MTHFD1L: variants seen among roughly 807,000 people sequenced by gnomAD.
The protein encoded by MTHFD1L is methylenetetrahydrofolate dehydrogenase (NADP+ dependent) 1 like, also known as monofunctional C1-tetrahydrofolate synthase, mitochondrial.
Under a neutral mutation model 119.5 loss-of-function variants are expected in MTHFD1L, and 81 were observed. The observed-to-expected ratio is 0.68, with a 90% CI of 0.57 to 0.82. The LOEUF is 0.82. Among genes scored for constraint, MTHFD1L ranks in the 40% least tolerant of loss-of-function variants. The pLI is 0.00. For missense variants in MTHFD1L, 1,125 were observed against 1,253.4 expected, an observed-to-expected ratio of 0.90 and a Z score of 1.55; for synonymous variants, 430 against 475.2, an observed-to-expected ratio of 0.90 and a Z score of 1.24.
chr6:151,051,185 A>G (rs1333259592), intron 26 of MTHFD1L, among the ~76,000 whole-genome samples: 1 of 152,214 alleles, frequency 6.6e-6, no homozygotes, highest in Non-Finnish European at 1.5e-5. Flanking sequence ...CACCCCTATC[A>G]GAAATTTCAA....
At chr6:150,931,503 G>A (rs188068046) in intron 11 of MTHFD1L, among the ~76,000 whole-genome samples, 16 of 152,126 alleles carry the variant, frequency 1.1e-4, no homozygotes, top group South Asian at 4.2e-4. Context: ...CCTTTGAACC[G>A]TTTACCTAAG....
Position 151,101,583 on chromosome 6 carries a change from T to C in MTHFD1L, c.*89T>C, listed in dbSNP as rs371697769. On this transcript the variant is annotated 3_prime_UTR_variant, in exon 28 of 28. Coordinates refer to ENST00000367321, the MANE Select transcript of MTHFD1L (RefSeq NM_015440.5). ...CTGCAGTTGGAGAAGAAACTGAATT[T>C]GAAAAATGTCTGTTATGCAATGCTG... 2.6e-5 allele frequency: 4 copies of C among 152,640 alleles called. No homozygotes were observed. The highest frequency in any genetic ancestry group is 1.9e-4 in the East Asian group (1 of 5,198). 9.5% of individuals were successfully genotyped at this position (152,640 alleles called of 1,614,324 possible).
intron 20 of MTHFD1L, among the ~76,000 whole-genome samples, chr6:150,998,663 A>G (rs370817863): frequency 3.4e-4 from 51 of 150,024 alleles, no homozygotes; most frequent in African/African-American, 1.2e-3. Context: ...AATCTTTCAT[A>G]TATGCACAAA....
At chr6:150,919,156 G>GAA (rs111966934) in intron 9 of MTHFD1L, among the ~76,000 whole-genome samples, 2 of 119,910 alleles carry the variant, frequency 1.7e-5, no homozygotes, top group African/African-American at 3.1e-5. Flanking sequence ...GAGGGAGACT[G>GAA]AAAAAAAAAA....
At chr6:151,079,962 G>T (rs1792974513) in intron 26 of MTHFD1L, among the ~76,000 whole-genome samples, 1 of 151,820 alleles carries the variant, frequency 6.6e-6, no homozygotes, top group South Asian at 2.1e-4. Flanking sequence ...TTCACCTAAG[G>T]TCAGGAGTTC....
intron 26 of MTHFD1L, among the ~76,000 whole-genome samples, chr6:151,066,782 T>C (rs1379892353): frequency 2.0e-5 from 3 of 148,238 alleles, no homozygotes; most frequent in African/African-American, 7.4e-5. Context: ...AAAAAAAAAG[T>C]GTCCTTTAGT....
chr6:150,875,567 C>T (rs1329333961), intron 1 of MTHFD1L, among the ~76,000 whole-genome samples: 2 of 152,078 alleles, frequency 1.3e-5, no homozygotes, highest in African/African-American at 4.8e-5. Context: ...CCCCTTCCTT[C>T]CTTACCTAAT....
intron 7 of MTHFD1L, among the ~76,000 whole-genome samples, chr6:150,905,161 G>C (rs1785694739): frequency 6.7e-6 from 1 of 150,186 alleles, no homozygotes; most frequent in South Asian, 2.1e-4. Flanking sequence ...AGCCTCCTGA[G>C]TAGCTGAGAT....
chr6:150,982,655 T>A (rs1441051151), intron 20 of MTHFD1L, among the ~76,000 whole-genome samples: 1 of 152,048 alleles, frequency 6.6e-6, no homozygotes, highest in Non-Finnish European at 1.5e-5. Flanking sequence ...CACTACCAAT[T>A]GTGTGTGTGA....
chr6:150,905,295 G>A (rs1478661839), intron 7 of MTHFD1L, among the ~76,000 whole-genome samples: 1 of 152,044 alleles, frequency 6.6e-6, no homozygotes, highest in Non-Finnish European at 1.5e-5. Flanking sequence ...GCCTCCCTAA[G>A]TGCTGGGATT....
At chr6:151,088,709 G>A (rs1040203135) in intron 26 of MTHFD1L, among the ~76,000 whole-genome samples, 1 of 147,514 alleles carries the variant, frequency 6.8e-6, no homozygotes, top group Admixed American at 7.1e-5. Flanking sequence ...CGCCCGCCTC[G>A]GCCTCCCAAA....
intron 20 of MTHFD1L, among the ~76,000 whole-genome samples, chr6:151,000,273 G>A (rs958858201): frequency 6.6e-6 from 1 of 151,208 alleles, no homozygotes; most frequent in Non-Finnish European, 1.5e-5. Context: ...GGAGGTGGAG[G>A]TTGCAGTGAG....
chr6:151,009,407 G>T (rs1473612065), intron 20 of MTHFD1L, among the ~76,000 whole-genome samples: 1 of 151,628 alleles, frequency 6.6e-6, no homozygotes, highest in Non-Finnish European at 1.5e-5. Flanking sequence ...AGGTGTGGTG[G>T]CAAACACCTG....
intron 19 of MTHFD1L, among the ~76,000 whole-genome samples, chr6:150,965,491 T>C (rs1797058772): frequency 6.6e-6 from 1 of 151,992 alleles, no homozygotes; most frequent in Non-Finnish European, 1.5e-5. Context: ...AAACCCCATC[T>C]CTACTAAAAA....
intron 24 of MTHFD1L, among the ~76,000 whole-genome samples, chr6:151,032,889 G>A (rs1785551200): frequency 6.6e-6 from 1 of 152,094 alleles, no homozygotes. Flanking sequence ...AGCAGTTTTG[G>A]GTTCTATCAG....
chr6:150,883,215 T>C (rs543372520), intron 5 of MTHFD1L, among the ~76,000 whole-genome samples: 10 of 152,192 alleles, frequency 6.6e-5, no homozygotes, highest in African/African-American at 2.4e-4. Flanking sequence ...GTATTTTTAG[T>C]AGAGACGGGG....
intron 16 of MTHFD1L, among the ~76,000 whole-genome samples, chr6:150,949,619 G>A (rs1172738196): frequency 6.6e-6 from 1 of 151,918 alleles, no homozygotes; most frequent in Non-Finnish European, 1.5e-5. Context: ...CCCACTTAAC[G>A]AGGCATCGCT....
At chr6:150,869,157 T>G (rs1249422514) in intron 1 of MTHFD1L, among the ~76,000 whole-genome samples, 1 of 152,196 alleles carries the variant, frequency 6.6e-6, no homozygotes, top group African/African-American at 2.4e-5. Context: ...TAACCATAAC[T>G]TTTATTTTTA....
chr6:151,083,271 C>T (rs1391419330), intron 26 of MTHFD1L, among the ~76,000 whole-genome samples: 1 of 152,112 alleles, frequency 6.6e-6, no homozygotes, highest in Non-Finnish European at 1.5e-5. Context: ...CATCTCGGCT[C>T]ACTGCAACCT....
Sources: allele counts gnomAD v4.1 joint callset (sites outside exome capture counted in the v4.1 genomes callset), GRCh38; gene constraint gnomAD v4.1.1; transcripts MANE v1.5; gene names NCBI Gene and HGNC (gene_info 2026-07-23, HGNC 2026-07-21).